The following PCCA variants were observed in gnomAD, a reference collection of about 807,000 sequenced individuals.
The protein encoded by PCCA is propionyl-CoA carboxylase subunit alpha, also known as propionyl-CoA carboxylase alpha chain, mitochondrial.
In PCCA, 74 loss-of-function variants were observed where a neutral mutation model predicts 101.3. The observed-to-expected ratio is 0.73, with a 90% CI of 0.61 to 0.89. The LOEUF is 0.89. Ranked by LOEUF, PCCA falls within the 40% of genes least tolerant of loss-of-function variation. The pLI, the probability that PCCA is intolerant of heterozygous loss-of-function variation, is 0.00. For synonymous variants in PCCA, 294 were observed against 313.6 expected (o/e 0.94, Z 0.66); for missense variants, 891 against 907.0 (o/e 0.98, Z 0.23).
At chr13:100,117,980 G>T (rs2048976298) in intron 4 of PCCA, among the ~76,000 whole-genome samples, 1 of 151,974 alleles carries the variant, frequency 6.6e-6, no homozygotes, top group Non-Finnish European at 1.5e-5. Context: ...GCCAGGCGTG[G>T]TGGCAGGCTC....
At chr13:100,214,154 C>T (rs570986000) in intron 7 of PCCA, among the ~76,000 whole-genome samples, 39 of 152,020 alleles carry the variant, frequency 2.6e-4, no homozygotes, top group Non-Finnish European at 4.3e-4. Context: ...AGTGTGATTC[C>T]TCCAGTTTTG....
chr13:100,279,522 C>CTCCA (rs1299481066), intron 12 of PCCA, among the ~76,000 whole-genome samples: 1 of 152,092 alleles, frequency 6.6e-6, no homozygotes, highest in Admixed American at 6.5e-5. Context: ...TGTCACCAGG[C>CTCCA]TGGAGTGTAG....
intron 6 of PCCA, among the ~76,000 whole-genome samples, chr13:100,162,213 T>C (rs1594460605): frequency 6.6e-6 from 1 of 152,184 alleles, no homozygotes; most frequent in African/African-American, 2.4e-5. Flanking sequence ...AGAAGTGGCA[T>C]AGAACTTTTC....
intron 7 of PCCA, among the ~76,000 whole-genome samples, chr13:100,227,808 C>G (rs1402478458): frequency 1.3e-5 from 2 of 152,134 alleles, no homozygotes; most frequent in East Asian, 3.8e-4. Flanking sequence ...TTTTCCCTAC[C>G]TCCTGATTGG....
intron 21 of PCCA, among the ~76,000 whole-genome samples, chr13:100,456,569 G>A (rs774279257): frequency 1.0e-3 from 157 of 152,306 alleles, no homozygotes; most frequent in Middle Eastern, 0.01. Flanking sequence ...AGGGTAAGGA[G>A]GGTGAATCTT....
chr13:100,389,529 A>C (rs995091425), intron 19 of PCCA, among the ~76,000 whole-genome samples: 2 of 152,194 alleles, frequency 1.3e-5, no homozygotes, highest in African/African-American at 4.8e-5. Flanking sequence ...TACTAGGCTT[A>C]ATACCTAGGT....
chr13:100,089,426 T>C (rs2046068973), intron 1 of PCCA, among the ~76,000 whole-genome samples: 1 of 152,244 alleles, frequency 6.6e-6, no homozygotes, highest in Admixed American at 6.5e-5. Context: ...TTGCAGCTGT[T>C]CCTCGCGGGG....
At chr13:100,260,439 C>T (rs545236803) in intron 9 of PCCA, among the ~76,000 whole-genome samples, 45 of 149,182 alleles carry the variant, frequency 3.0e-4, no homozygotes, top group Admixed American at 1.5e-3. Flanking sequence ...CTCTGTTGTC[C>T]AGGCTGGAGT....
chr13:100,291,903 C>A (rs1246870156), intron 12 of PCCA, among the ~76,000 whole-genome samples: 5 of 152,208 alleles, frequency 3.3e-5, no homozygotes, highest in Admixed American at 6.5e-5. Flanking sequence ...CCCTAGAGTT[C>A]TCTGAAGCTA....
At chr13:100,445,142 C>T (rs2080729168) in intron 20 of PCCA, among the ~76,000 whole-genome samples, 1 of 152,090 alleles carries the variant, frequency 6.6e-6, no homozygotes, top group Non-Finnish European at 1.5e-5. Flanking sequence ...GTGCCAGGCT[C>T]TTTTAAACAA....
rs373022024 is a variant in PCCA at position 100,427,071 on chromosome 13, G to A, written c.1845+1340G>A. Among the ~76,000 whole-genome samples the A allele has an allele frequency of 8.7e-4, 133 of 152,252 alleles. 4 individuals are homozygous for A. In the South Asian group the frequency reaches 0.025, roughly 28 times the overall value. On this transcript the variant is annotated intron_variant, in intron 20 of 23. Transcript: ENST00000376285. ...GTCTCCACTACAAATACAAAAATTA[G>A]CCGGGTGTGGTGGCGGGCGCCTGTA... is the stretch of plus-strand genomic sequence containing the variant.
At chr13:100,336,820 G>A (rs560526780) in intron 17 of PCCA, among the ~76,000 whole-genome samples, 1 of 152,274 alleles carries the variant, frequency 6.6e-6, no homozygotes, top group East Asian at 1.9e-4. Flanking sequence ...TGAATGTTGT[G>A]AACGTTCCAA....
At chr13:100,326,842 A>G (rs552174345) in intron 16 of PCCA, among the ~76,000 whole-genome samples, 2 of 152,302 alleles carry the variant, frequency 1.3e-5, no homozygotes, top group Admixed American at 1.3e-4. Context: ...TATATAATAT[A>G]TAAAACTTGT....
chr13:100,137,804 C>CTTTTTTTT (rs34819598), intron 4 of PCCA, among the ~76,000 whole-genome samples: 1 of 144,370 alleles, frequency 6.9e-6, no homozygotes. Flanking sequence ...ATGTTTAAGT[C>CTTTTTTTT]TTTTTTTTTT....
intron 18 of PCCA, among the ~76,000 whole-genome samples, chr13:100,345,541 G>A (rs886530203): frequency 4.6e-5 from 7 of 152,196 alleles, no homozygotes; most frequent in African/African-American, 1.7e-4. Context: ...AAGGAAAGAA[G>A]CTGTCTCCAT....
chr13:100,158,906 G>A (rs960622805), intron 6 of PCCA, among the ~76,000 whole-genome samples: 4 of 151,746 alleles, frequency 2.6e-5, no homozygotes, highest in Non-Finnish European at 4.4e-5. Flanking sequence ...TATACAAAAA[G>A]TTTGGGAACT....
At chr13:100,498,035 A>G (rs2085397606) in intron 21 of PCCA, among the ~76,000 whole-genome samples, 1 of 151,852 alleles carries the variant, frequency 6.6e-6, no homozygotes, top group South Asian at 2.1e-4. Context: ...ACACCTGGCT[A>G]ACCTGTTTTT....
At chr13:100,493,535 A>G (rs1204722867) in intron 21 of PCCA, among the ~76,000 whole-genome samples, 1 of 152,142 alleles carries the variant, frequency 6.6e-6, no homozygotes, top group Non-Finnish European at 1.5e-5. Flanking sequence ...CTGACTTGAA[A>G]CTTGATAAGA....
At chr13:100,486,335 C>T (rs556448754) in intron 21 of PCCA, among the ~76,000 whole-genome samples, 1 of 152,318 alleles carries the variant, frequency 6.6e-6, no homozygotes, top group South Asian at 2.1e-4. Context: ...AGACCCAAGT[C>T]CACCATGGGA....
Sources: allele counts gnomAD v4.1 joint callset (sites outside exome capture counted in the v4.1 genomes callset), GRCh38; gene constraint gnomAD v4.1.1; transcripts MANE v1.5; gene names NCBI Gene and HGNC (gene_info 2026-07-23, HGNC 2026-07-21).